The following ANKRD17 variants were observed in gnomAD, a reference collection of about 807,000 sequenced individuals.
The protein encoded by ANKRD17 is ankyrin repeat domain 17, also known as ankyrin repeat domain-containing protein 17.
ANKRD17 carries 19 observed loss-of-function variants against 229.7 expected under a neutral mutation model. That is an observed-to-expected ratio of 0.08 (90% CI 0.06 to 0.12). The LOEUF is 0.12. ANKRD17 is among the 10% of genes least tolerant of loss of function. The pLI is 1.00. For missense variants in ANKRD17, 2,176 were observed against 3,176.8 expected (o/e 0.68, Z 7.57); for synonymous variants, 1,112 against 1,146.1 (o/e 0.97, Z 0.60).
Position 73,142,395 on chromosome 4 carries a change from T to G in ANKRD17, c.2086-10A>C. ...ACATAGTTGAGCCATCCTAAAAGAG[T>G]GAATATGGAAGGGGAAAAAAAGTGA... is the stretch of plus-strand genomic sequence containing the variant. On this transcript the variant is annotated splice_polypyrimidine_tract_variant and intron_variant, in intron 12 of 33. Transcript: ENST00000358602. 1 of 1,582,980 alleles carries G rather than the reference T, an allele frequency of 6.3e-7. No homozygotes were observed. Among genetic ancestry groups the G allele is most frequent in the South Asian group, 1.2e-5 (1 of 84,200 alleles).
At position 73,142,402 on chromosome 4, in the gene ANKRD17, G is replaced by A; in HGVS notation, c.2086-17C>T. On this transcript the variant is annotated splice_polypyrimidine_tract_variant and intron_variant, in intron 12 of 33. Coordinates refer to ENST00000358602, the MANE Select transcript of ANKRD17 (RefSeq NM_032217.5). ...TGAGCCATCCTAAAAGAGTGAATAT[G>A]GAAGGGGAAAAAAAGTGAAGAAAAA... is the stretch of plus-strand genomic sequence containing the variant. 1 of 1,583,408 alleles carries A rather than the reference G, an allele frequency of 6.3e-7. No homozygotes were observed. Among genetic ancestry groups the A allele is most frequent in the African/African-American group, 1.4e-5 (1 of 72,698 alleles).
intron 29 of ANKRD17, among the ~76,000 whole-genome samples, chr4:73,085,777 T>G (rs1459261029): frequency 6.6e-6 from 1 of 150,626 alleles, no homozygotes; most frequent in Non-Finnish European, 1.5e-5. Flanking sequence ...GTGAGAGGAC[T>G]GCTTGAACCC....
chr4:73,197,733 G>T (rs902297140), intron 1 of ANKRD17, among the ~76,000 whole-genome samples: 21 of 152,032 alleles, frequency 1.4e-4, no homozygotes, highest in African/African-American at 4.1e-4. Flanking sequence ...CTACTCAGGG[G>T]ACTGTGCCCA....
chr4:73,144,632 T>G, intron 11 of ANKRD17, 113 bp downstream of exon 11: 1 of 526,640 alleles, frequency 1.9e-6, no homozygotes, highest in Non-Finnish European at 3.2e-6. Context: ...GTCAGTAGCA[T>G]CCCTCCTCAT....
At chr4:73,095,576 T>C (rs1173340757) in intron 27 of ANKRD17, among the ~76,000 whole-genome samples, 1 of 135,566 alleles carries the variant, frequency 7.4e-6, no homozygotes, top group Admixed American at 8.2e-5. Context: ...CATTCTAGCC[T>C]GGGCAACAAG....
At chr4:73,194,825 A>T (rs1737620142) in intron 1 of ANKRD17, among the ~76,000 whole-genome samples, 1 of 152,040 alleles carries the variant, frequency 6.6e-6, no homozygotes, top group Non-Finnish European at 1.5e-5. Context: ...TTTTTCATGT[A>T]TTTAGGTCAT....
At chr4:73,245,654 C>T (rs1744431989) in intron 1 of ANKRD17, among the ~76,000 whole-genome samples, 2 of 152,090 alleles carry the variant, frequency 1.3e-5, no homozygotes, top group South Asian at 4.1e-4. Flanking sequence ...TAATACATAA[C>T]AATCATATAT....
At chr4:73,133,855 G>C (rs958799258) in intron 16 of ANKRD17, among the ~76,000 whole-genome samples, 8 of 152,244 alleles carry the variant, frequency 5.3e-5, no homozygotes, top group South Asian at 2.1e-4. Flanking sequence ...AAAAAGAATG[G>C]TGTCTTTGAA....
chr4:73,222,218 T>G (rs1266363673), intron 1 of ANKRD17, among the ~76,000 whole-genome samples: 1 of 152,150 alleles, frequency 6.6e-6, no homozygotes, highest in Non-Finnish European at 1.5e-5. Flanking sequence ...AAATACAAAT[T>G]TCTAATAGTA....
chr4:73,213,069 T>C (rs572518557), intron 1 of ANKRD17, among the ~76,000 whole-genome samples: 1 of 150,144 alleles, frequency 6.7e-6, no homozygotes, highest in East Asian at 1.9e-4. Flanking sequence ...ATTTAGAAGC[T>C]GAGTGGATAG....
In ANKRD17 at chr4:73,171,178, G is replaced by GGAGAGAGAGAGAGAGAGA. The variant is rs56882212; in HGVS notation, c.547+6184_547+6201dup. ...CCCAGCTCCACATGGCTCAGAGGGG[G>GGAGAGAGAGAGAGAGAGA]GAGAGAGAGAGAGAGAGAGAGAGAG... is the stretch of plus-strand genomic sequence containing the variant. On this transcript the variant is annotated intron_variant, in intron 2 of 33. Transcript: ENST00000358602. Among the ~76,000 whole-genome samples, 125 of 104,486 alleles carry GGAGAGAGAGAGAGAGAGA rather than the reference G, an allele frequency of 1.2e-3. 2 individuals carry two copies. Among genetic ancestry groups the GGAGAGAGAGAGAGAGAGA allele is most frequent in the African/African-American group, 2.6e-3 (64 of 24,886 alleles). The allele number at this position is 104,486 out of a possible 152,430, so 68.5% of individuals were successfully genotyped here. A position where few individuals can be genotyped will look rare whatever the true frequency, so the allele number is the denominator to read the frequency against.
chr4:73,140,421 T>C, intron 14 of ANKRD17, 138 bp from the exon 15 acceptor site: 1 of 818,952 alleles, frequency 1.2e-6, no homozygotes, highest in Non-Finnish European at 1.7e-6. Flanking sequence ...TGTTAAAAAA[T>C]TAAAAACAAA....
chr4:73,097,292 A>G lies in ANKRD17; in HGVS notation c.5022-20T>C. On this transcript the variant is annotated intron_variant, in intron 26 of 33. Transcript: ENST00000358602. ...GACAATCTTTAACAAAGAGAGGGAAAGTACATTAAATATGGAACAGATGTA... is the reference window on the plus strand; with the variant it reads ...GACAATCTTTAACAAAGAGAGGGAAGGTACATTAAATATGGAACAGATGTA... 6.4e-7 allele frequency: 1 copy of G among 1,556,448 alleles called. No homozygotes were observed. The highest frequency in any genetic ancestry group is 8.7e-7 in the Non-Finnish European group (1 of 1,155,612).
chr4:73,239,514 T>C (rs540814347), intron 1 of ANKRD17, among the ~76,000 whole-genome samples: 1 of 152,302 alleles, frequency 6.6e-6, no homozygotes, highest in East Asian at 1.9e-4. Flanking sequence ...AATATTAATT[T>C]AAAAAGAAAG....
At chr4:73,217,740 TC>T (rs1560743769) in intron 1 of ANKRD17, among the ~76,000 whole-genome samples, 1 of 152,060 alleles carries the variant, frequency 6.6e-6, no homozygotes, top group East Asian at 1.9e-4. Flanking sequence ...GTGTGACAGA[TC>T]AATCAAAACT....
intron 22 of ANKRD17, 111 bp downstream of exon 22, chr4:73,118,577 C>T (rs1391921163): frequency 5.0e-6 from 6 of 1,197,338 alleles, no homozygotes; most frequent in Admixed American, 2.1e-5. Context: ...CATATTATTG[C>T]TTTCATCACA....
rs545227992 is a variant in ANKRD17, at chr4:73,128,539, T to G, written c.3235-3227A>C. 4.6e-5 allele frequency among the ~76,000 whole-genome samples: 7 copies of G among 152,342 alleles called. No homozygotes were observed. The South Asian group carries it at 1.2e-3, about 27-fold the overall frequency. ...GATCAGTAAAATGTTTTTTCCAATA[T>G]TATAAAACATAAATTCAACTGACAT... On this transcript the variant is annotated intron_variant, in intron 16 of 33. Coordinates refer to ENST00000358602, the MANE Select transcript of ANKRD17 (RefSeq NM_032217.5).
At chr4:73,187,879 C>T (rs183175437) in intron 1 of ANKRD17, among the ~76,000 whole-genome samples, 1 of 152,270 alleles carries the variant, frequency 6.6e-6, no homozygotes, top group Admixed American at 6.5e-5. Context: ...TAGGGCAGTG[C>T]TCCCCAACCT....
chr4:73,077,135 C>A (rs768381875), intron 32 of ANKRD17, 31 bp from the exon 33 acceptor site: 6 of 1,526,148 alleles, frequency 3.9e-6, no homozygotes, highest in Admixed American at 4.5e-5. Flanking sequence ...ACATTAACAT[C>A]CAAGTCATTG....
Sources: gnomAD v4.1 joint callset for allele counts (sites outside exome capture counted in the v4.1 genomes callset) on GRCh38, gnomAD v4.1.1 for gene constraint, MANE v1.5 for transcripts, NCBI Gene and HGNC (gene_info 2026-07-23, HGNC 2026-07-21) for gene names.